WDR64: variants seen among roughly 807,000 people sequenced by gnomAD.
WDR64 encodes WD repeat-containing protein 64.
A neutral mutation model predicts 139.3 loss-of-function variants in WDR64; 112 were observed. That is an observed-to-expected ratio of 0.80 (90% CI 0.69 to 0.94). The LOEUF is 0.94. Among genes scored for constraint, WDR64 ranks in the 40% least tolerant of loss-of-function variants. The pLI, the probability that WDR64 is intolerant of heterozygous loss-of-function variation, is 0.00. For synonymous variants in WDR64, 444 were observed against 437.7 expected, an observed-to-expected ratio of 1.01 and a Z score of -0.18; for missense variants, 1,206 against 1,293.1, an observed-to-expected ratio of 0.93 and a Z score of 1.03.
In WDR64 at chr1:241,769,272, G is replaced by C. The variant is rs910928767; in HGVS notation, c.2082-132G>C. 3 of 694,512 alleles carry C rather than the reference G, an allele frequency of 4.3e-6. No homozygotes were observed. The African/African-American group carries it at 5.4e-5, about 13-fold the overall frequency. The allele number at this position is 694,512 out of a possible 1,614,324, so 43.0% of individuals were successfully genotyped here. A position where few individuals can be genotyped will look rare whatever the true frequency, so the allele number is the denominator to read the frequency against. ...AGCTATGTTCAAACTCTACTTCCTT[G>C]CATTTTCTTTTCATGTTCAATAATA... On this transcript the variant is annotated intron_variant, in intron 16 of 27. Transcript: ENST00000437684.
At chr1:241,745,733 G>C (rs1669732295) in intron 13 of WDR64, among the ~76,000 whole-genome samples, 1 of 152,118 alleles carries the variant, frequency 6.6e-6, no homozygotes, top group South Asian at 2.1e-4. Flanking sequence ...TTACAGGAGT[G>C]AGCCACTGTG....
intron 8 of WDR64, among the ~76,000 whole-genome samples, chr1:241,705,568 T>A (rs1478055256): frequency 7.9e-6 from 1 of 127,298 alleles, no homozygotes; most frequent in Non-Finnish European, 1.7e-5. Context: ...TAAATAATAA[T>A]AATAATAATA....
In WDR64 at chr1:241,703,374, T is replaced by G. The variant is rs981813354; in HGVS notation, c.975-8428T>G. On this transcript the variant is annotated intron_variant, in intron 8 of 27. Coordinates refer to ENST00000437684, the MANE Select transcript of WDR64 (RefSeq NM_001367482.1). This position sits in a 1 kb window ranked among gnomAD's most constrained non-coding sequence, Gnocchi z 5.9. ...GCTTCTCTCCCTGCATCACGCTCATTAATTCATGGAACAACAGGAGAAAAG... is the reference window on the plus strand; with the variant it reads ...GCTTCTCTCCCTGCATCACGCTCATGAATTCATGGAACAACAGGAGAAAAG... 6.6e-6 allele frequency among the ~76,000 whole-genome samples: 1 copy of G among 152,096 alleles called. No individual in the cohort carries two copies. The highest frequency in any genetic ancestry group is 2.4e-5 in the African/African-American group (1 of 41,432).
At position 241,770,986 on chromosome 1, in the gene WDR64, AAAGT is replaced by A. The variant is rs1318270689; in HGVS notation, c.2253+303_2253+306del. Among the ~76,000 whole-genome samples, 26 of 152,316 alleles carry A rather than the reference AAAGT, an allele frequency of 1.7e-4. 1 individual carries two copies. Among genetic ancestry groups the A allele is most frequent in the Admixed American group, 1.0e-3 (16 of 15,294 alleles). On this transcript the variant is annotated intron_variant, in intron 18 of 27. Coordinates refer to ENST00000437684, the MANE Select transcript of WDR64 (RefSeq NM_001367482.1). ...TTATGCATGTTATTTTGATACTTAA[AAAGT>A]AAGTAATTTTAGACCATCTCTTTTG...
intron 8 of WDR64, among the ~76,000 whole-genome samples, chr1:241,689,710 C>T (rs754489694): frequency 5.3e-5 from 8 of 152,060 alleles, no homozygotes; most frequent in African/African-American, 1.9e-4. Context: ...GCTAAGGGCT[C>T]GGATAAAGCA....
chr1:241,693,054 C>G (rs1667358450), intron 8 of WDR64, among the ~76,000 whole-genome samples: 1 of 152,150 alleles, frequency 6.6e-6, no homozygotes, highest in Non-Finnish European at 1.5e-5. Context: ...AGCAGTCATA[C>G]TACTTGGTAT....
chr1:241,783,938 T>C (rs1182127260), intron 23 of WDR64, among the ~76,000 whole-genome samples: 1 of 152,224 alleles, frequency 6.6e-6, no homozygotes, highest in African/African-American at 2.4e-5. Context: ...TTCTGCATAT[T>C]GAAATGTCTT....
In WDR64 at chr1:241,667,109, G is replaced by A. The variant is rs182741286; in HGVS notation, c.277-3965G>A. Among the ~76,000 whole-genome samples the A allele has an allele frequency of 2.6e-5, 4 of 152,278 alleles. No individual in the cohort carries two copies. The East Asian group carries it at 5.8e-4, about 22-fold the overall frequency. ...CTCTTTGAGTATGGGTATCATTGAC[G>A]TAGGAGACATAATTTCAAATTAGAT... On this transcript the variant is annotated intron_variant, in intron 2 of 27. Coordinates refer to ENST00000437684, the MANE Select transcript of WDR64 (RefSeq NM_001367482.1).
intron 1 of WDR64, among the ~76,000 whole-genome samples, chr1:241,655,188 G>T (rs549486106): frequency 1.8e-4 from 27 of 152,250 alleles, no homozygotes; most frequent in East Asian, 3.9e-4. Context: ...TTCAAGACCA[G>T]CCTTGCCAAC....
chr1:241,652,658 A>C (rs1313171833), intron 1 of WDR64, 29 bp downstream of exon 1: 1 of 1,549,556 alleles, frequency 6.5e-7, no homozygotes, highest in East Asian at 2.4e-5. Context: ...CGATAGTCCA[A>C]TTGGGTCTGT....
intron 8 of WDR64, among the ~76,000 whole-genome samples, chr1:241,705,595 T>TAAA (rs1553368539): frequency 2.0e-5 from 3 of 148,282 alleles, no homozygotes; most frequent in South Asian, 2.1e-4. Flanking sequence ...ATAATAATAA[T>TAAA]AAAAGATACA....
At chr1:241,787,342 C>T (rs1438390844) in intron 23 of WDR64, among the ~76,000 whole-genome samples, 2 of 130,406 alleles carry the variant, frequency 1.5e-5, no homozygotes, top group African/African-American at 3.0e-5. Context: ...ACAGCCTGGG[C>T]GACAGAGCGA....
At chr1:241,713,921 A>C (rs1668296412) in intron 9 of WDR64, among the ~76,000 whole-genome samples, 1 of 152,224 alleles carries the variant, frequency 6.6e-6, no homozygotes, top group African/African-American at 2.4e-5. Context: ...GGAGAAATGA[A>C]AGAGTAGCAA....
chr1:241,699,166 G>T (rs984567669), intron 8 of WDR64, among the ~76,000 whole-genome samples: 8 of 152,138 alleles, frequency 5.3e-5, no homozygotes, highest in African/African-American at 1.9e-4. Flanking sequence ...TTTGGGTGGG[G>T]ACACAGCCAA....
At chr1:241,672,837 G>A (rs932359384) in intron 3 of WDR64, among the ~76,000 whole-genome samples, 1 of 152,062 alleles carries the variant, frequency 6.6e-6, no homozygotes, top group Non-Finnish European at 1.5e-5. Context: ...TGGGGAGAGT[G>A]GTGGGAGCTA....
intron 4 of WDR64, chr1:241,677,457 C>T (rs12240147): frequency 0.019 from 7,408 of 398,482 alleles, 263 homozygotes; most frequent in Admixed American, 0.076. Context: ...TCACATAATC[C>T]GTTTCTTCTG....
intron 3 of WDR64, 75 bp from the exon 4 acceptor site, chr1:241,674,569 A>T (rs909771258): frequency 2.7e-5 from 27 of 988,100 alleles, no homozygotes; most frequent in South Asian, 6.4e-5. Flanking sequence ...ATCATTTTTT[A>T]AAAAAACAAA....
chr1:241,725,592 A>G (rs1351426891), intron 10 of WDR64, among the ~76,000 whole-genome samples: 2 of 152,070 alleles, frequency 1.3e-5, no homozygotes. Context: ...GAAAGACTCT[A>G]AGGACCTTTG....
chr1:241,782,957 ATC>A (rs1658902932), intron 22 of WDR64, among the ~76,000 whole-genome samples: 1 of 152,172 alleles, frequency 6.6e-6, no homozygotes, highest in Non-Finnish European at 1.5e-5. Flanking sequence ...CTCCTAAAGC[ATC>A]TCTTTCCTCT....
Sources: gnomAD v4.1 joint callset for allele counts (sites outside exome capture counted in the v4.1 genomes callset) on GRCh38, gnomAD v4.1.1 for gene constraint, Gnocchi (gnomAD v3.1) non-coding constraint, MANE v1.5 for transcripts, NCBI Gene and HGNC (gene_info 2026-07-23, HGNC 2026-07-21) for gene names.